CYP4F3: variants seen among roughly 807,000 people sequenced by gnomAD.
The protein encoded by CYP4F3 is cytochrome P450 family 4 subfamily F member 3, also known as cytochrome P450 4F3.
A neutral mutation model predicts 54.8 loss-of-function variants in CYP4F3; 50 were observed. The observed-to-expected ratio is 0.91, with a 90% CI of 0.73 to 1.16. The LOEUF is 1.16. CYP4F3 is among the 50% of genes most tolerant of loss of function. The pLI, the probability that CYP4F3 is intolerant of heterozygous loss-of-function variation, is 0.00. For synonymous variants in CYP4F3, 244 were observed against 262.6 expected, an observed-to-expected ratio of 0.93 and a Z score of 0.69; for missense variants, 715 against 676.2, an observed-to-expected ratio of 1.06 and a Z score of -0.64.
Position 15,647,251 on chromosome 19 carries a change from T to C in CYP4F3, c.452T>C (p.Leu151Pro). Residue 151 changes from leucine (L) to proline (P), a missense_variant, in exon 5 of 13, where the codon CTG becomes CCG. Leu to Pro is a moderately conservative substitution (Grantham distance 98). Transcript: ENST00000221307. ...GEKWSRHRRMLTPAFHFNILK... is the reference protein window; with the variant it reads ...GEKWSRHRRMPTPAFHFNILK... ...AAGTGGAGCCGCCACCGTCGGATGCTGACGCCTGCCTTCCATTTCAACATC... is the reference window on the plus strand; with the variant it reads ...AAGTGGAGCCGCCACCGTCGGATGCCGACGCCTGCCTTCCATTTCAACATC... 1 of 1,614,232 alleles carries C rather than the reference T, an allele frequency of 6.2e-7. No homozygotes were observed. The highest frequency in any genetic ancestry group is 1.1e-5 in the South Asian group (1 of 91,088).
chr19:15,645,983 G>A (rs2144638956), intron 3 of CYP4F3, 120 bp downstream of exon 3: 1 of 1,340,988 alleles, frequency 7.5e-7, no homozygotes, highest in Non-Finnish European at 9.8e-7. Context: ...AGGGGCTGTG[G>A]TGGAGATGCC....
At chr19:15,645,628 C>T in intron 2 of CYP4F3, 91 bp from the exon 3 acceptor site, 4 of 1,481,948 alleles carry the variant, frequency 2.7e-6, no homozygotes, top group Middle Eastern at 2.5e-4. Flanking sequence ...GCTTGAAATT[C>T]TCAGGGAGAG....
rs1445217141 is a variant in CYP4F3, at chr19:15,650,870, T to TCTCTC, written c.918+687_918+688insCTCTC. On this transcript the variant is annotated intron_variant, in intron 7 of 12. Transcript: ENST00000221307. Reference sequence around the variant, plus strand: ...TCTTTCTTTCTTTCTTTCTTTCTTTTTCTCTCTCTCTCTTTCCTTTTTTTG... The same window carrying TCTCTC: ...TCTTTCTTTCTTTCTTTCTTTCTTTTCTCTCTCTCTCTCTCTCTTTCCTTTTTTTG... Among the ~76,000 whole-genome samples the TCTCTC allele has an allele frequency of 2.0e-4, 8 of 39,478 alleles. 2 individuals are homozygous for TCTCTC. Among genetic ancestry groups the TCTCTC allele is most frequent in the African/African-American group, 1.6e-3 (8 of 5,006 alleles). 25.9% of individuals were successfully genotyped at this position (39,478 alleles called of 152,430 possible). A position where few individuals can be genotyped will look rare whatever the true frequency, so the allele number is the denominator to read the frequency against.
intron 2 of CYP4F3, among the ~76,000 whole-genome samples, chr19:15,641,836 C>T (rs1972473521): frequency 6.6e-6 from 1 of 152,120 alleles, no homozygotes; most frequent in Non-Finnish European, 1.5e-5. Context: ...AATCCTTTTC[C>T]TGCCTGTCTT....
At chr19:15,649,316 G>T in intron 6 of CYP4F3, 35 bp downstream of exon 6, 3 of 1,611,120 alleles carry the variant, frequency 1.9e-6, no homozygotes, top group Non-Finnish European at 2.5e-6. Flanking sequence ...ATCCTGGGCC[G>T]TGGACACAAA....
rs1555743187 is a variant in CYP4F3 at position 15,653,773 on chromosome 19, A to AGAGT, written c.1115+824_1115+825insTGAG. On this transcript the variant is annotated intron_variant, in intron 9 of 12. Coordinates refer to ENST00000221307, the MANE Select transcript of CYP4F3 (RefSeq NM_000896.3). ...GAGAGAGAGAGAGAGAGAGAGAGAG[A>AGAGT]GAGAGAGAGAGAGCAGGGTCAGGAC... is the stretch of plus-strand genomic sequence containing the variant. Among the ~76,000 whole-genome samples the AGAGT allele has an allele frequency of 1.5e-3, 201 of 132,980 alleles. 4 individuals are homozygous for AGAGT. Among genetic ancestry groups the AGAGT allele is most frequent in the African/African-American group, 5.4e-3 (192 of 35,234 alleles). 87.2% of individuals were successfully genotyped at this position (132,980 alleles called of 152,430 possible).
chr19:15,642,874 T>A (rs919856666), intron 2 of CYP4F3, among the ~76,000 whole-genome samples: 11 of 141,320 alleles, frequency 7.8e-5, no homozygotes, highest in Non-Finnish European at 1.2e-4. Flanking sequence ...GACAGATGGA[T>A]GCATGGATAA....
At chr19:15,656,524 T>TCTATCTATCTATC (rs60912344) in intron 9 of CYP4F3, among the ~76,000 whole-genome samples, 1,162 of 70,618 alleles carry the variant, frequency 0.016, 12 homozygotes, top group African/African-American at 0.025. Flanking sequence ...TATCTATCTA[T>TCTATCTATCTATC]TTCTATCATC....
chr19:15,655,354 GC>G (rs2144668844), intron 9 of CYP4F3, among the ~76,000 whole-genome samples: 1 of 152,184 alleles, frequency 6.6e-6, no homozygotes, highest in Admixed American at 6.5e-5. Flanking sequence ...TGTTTCCTTT[GC>G]TGTGCAGAAG....
chr19:15,642,335 T>A (rs1269375349), intron 2 of CYP4F3, among the ~76,000 whole-genome samples: 1 of 152,196 alleles, frequency 6.6e-6, no homozygotes, highest in African/African-American at 2.4e-5. Flanking sequence ...GTGCAGAAGC[T>A]TCTCCCAGGT....
rs1972464144 is a variant in CYP4F3, at chr19:15,641,551, T to C, written c.136T>C (p.Cys46Arg). The C allele has an allele frequency of 6.2e-7, 1 of 1,614,176 alleles. No individual in the cohort carries two copies. ...AWTYTFYDNC[C>R]RLRCFPQPPK... ...GACCTATACCTTCTATGACAACTGC[T>C]GCCGCCTCCGGTGTTTCCCGCAACC... The change falls in exon 2 of 13, where the codon TGC becomes CGC. Residue 46 changes from cysteine (C) to arginine (R), a missense_variant. By Grantham distance (180) the Cys-to-Arg change is radical. Coordinates refer to ENST00000221307, the MANE Select transcript of CYP4F3 (RefSeq NM_000896.3).
Position 15,658,818 on chromosome 19 carries a change from G to A in CYP4F3, c.1397+9G>A, listed in dbSNP as rs1369101018. The A allele has an allele frequency of 1.2e-6, 2 of 1,613,856 alleles. No individual in the cohort carries two copies. The highest frequency in any genetic ancestry group is 1.7e-6 in the Non-Finnish European group (2 of 1,179,888). On this transcript the variant is annotated intron_variant, in intron 12 of 12. Transcript: ENST00000221307. ...TTCTCAGCAGGGCCCAGGTAAGAGC[G>A]GCCTGTGTTTGAGGCGGGGACGGGG... is the stretch of plus-strand genomic sequence containing the variant.
intron 2 of CYP4F3, among the ~76,000 whole-genome samples, chr19:15,642,531 C>T (rs1290621): frequency 0.67 from 101,988 of 152,088 alleles, 34,840 homozygotes; most frequent in East Asian, 0.84. Flanking sequence ...CCTGAGTCCA[C>T]ACTGCTCCCC....
At chr19:15,654,120 G>C (rs1043885617) in intron 9 of CYP4F3, among the ~76,000 whole-genome samples, 1 of 152,150 alleles carries the variant, frequency 6.6e-6, no homozygotes, top group Non-Finnish European at 1.5e-5. Flanking sequence ...TGGAGTGGAC[G>C]GGTGTCTTGG....
At position 15,662,288 on chromosome 19, in the gene CYP4F3, A is replaced by AAAAAAAAAAAAAAAAAAAC; in HGVS notation, c.*2907_*2908insAAAAAAAAAAAAAACAAAA. ...TCTCTCTCTCAAAAAAAAAAAAAAA[A>AAAAAAAAAAAAAAAAAAAC]AAAAGGAAAGAAAGAAAGAAAAGAA... On this transcript the variant is annotated 3_prime_UTR_variant, in exon 13 of 13. Coordinates refer to ENST00000221307, the MANE Select transcript of CYP4F3 (RefSeq NM_000896.3). The AAAAAAAAAAAAAAAAAAAC allele has an allele frequency of 6.7e-6, 1 of 149,378 alleles. No homozygotes were observed. The highest frequency in any genetic ancestry group is 2.5e-5 in the African/African-American group (1 of 40,180). The allele number at this position is 149,378 out of a possible 1,614,324, so 9.3% of individuals were successfully genotyped here.
chr19:15,644,932 A>C (rs1441543463), intron 2 of CYP4F3, among the ~76,000 whole-genome samples: 1 of 152,190 alleles, frequency 6.6e-6, no homozygotes, highest in East Asian at 1.9e-4. Context: ...GTGGAAATCC[A>C]ACCTGGTGTA....
At chr19:15,651,180 T>A (rs1599898810) in intron 7 of CYP4F3, among the ~76,000 whole-genome samples, 1 of 141,260 alleles carries the variant, frequency 7.1e-6, no homozygotes, top group Non-Finnish European at 1.6e-5. Context: ...CACCTTGTCA[T>A]GTCTTTTCTA....
At chr19:15,653,822 G>A (rs1173109283) in intron 9 of CYP4F3, among the ~76,000 whole-genome samples, 1 of 151,994 alleles carries the variant, frequency 6.6e-6, no homozygotes, top group African/African-American at 2.4e-5. Flanking sequence ...AGGGGAGAAA[G>A]AGGGAGAGAC....
chr19:15,656,379 C>T (rs1177740343), intron 9 of CYP4F3, among the ~76,000 whole-genome samples: 1 of 152,018 alleles, frequency 6.6e-6, no homozygotes, highest in Non-Finnish European at 1.5e-5. Context: ...TGAGACATTA[C>T]AGATAAGACT....
Sources: allele counts gnomAD v4.1 joint callset (sites outside exome capture counted in the v4.1 genomes callset), GRCh38; gene constraint gnomAD v4.1.1; transcripts MANE v1.5; gene names NCBI Gene and HGNC (gene_info 2026-07-23, HGNC 2026-07-21).